GLIS3: variants seen among roughly 807,000 people sequenced by gnomAD.
GLIS3 encodes the protein zinc finger protein GLIS3.
Under a neutral mutation model 78.6 loss-of-function variants are expected in GLIS3, and 53 were observed. The ratio of observed to expected loss-of-function variants is 0.67; its 90% CI spans 0.54 to 0.85. GLIS3 has a LOEUF of 0.85. Ranked by LOEUF, GLIS3 falls within the 40% of genes least tolerant of loss-of-function variation. GLIS3 has a pLI of 0.00. For synonymous variants in GLIS3, 684 were observed against 509.9 expected, an observed-to-expected ratio of 1.34 and a Z score of -4.60; for missense variants, 1,703 against 1,231.1, an observed-to-expected ratio of 1.38 and a Z score of -5.74.
At chr9:3,963,587 G>C (rs1197333889) in intron 4 of GLIS3, among the ~76,000 whole-genome samples, 1 of 152,184 alleles carries the variant, frequency 6.6e-6, no homozygotes, top group Non-Finnish European at 1.5e-5. Context: ...CTCTAATGCA[G>C]AGACCAAATA....
chr9:4,414,100 G>A, the GLIS3 span, among the ~76,000 whole-genome samples: 1 of 152,044 alleles, frequency 6.6e-6, no homozygotes, highest in African/African-American at 2.4e-5. Context: ...ATGTGAAGCT[G>A]GCAAAATCAA....
chr9:4,199,122 T>C (rs370041791), intron 2 of GLIS3, among the ~76,000 whole-genome samples: 4 of 152,158 alleles, frequency 2.6e-5, no homozygotes, highest in Admixed American at 6.5e-5. Context: ...CTTAAGCAGA[T>C]AGCCCACAAA....
intron 4 of GLIS3, among the ~76,000 whole-genome samples, chr9:4,049,838 C>G (rs1416578047): frequency 6.6e-6 from 1 of 152,100 alleles, no homozygotes; most frequent in Non-Finnish European, 1.5e-5. Flanking sequence ...CCAACAGACA[C>G]ATGAAAAAAT....
At chr9:4,333,413 CT>C (rs1039716788) in intron 2 of GLIS3, among the ~76,000 whole-genome samples, 2 of 151,940 alleles carry the variant, frequency 1.3e-5, no homozygotes, top group African/African-American at 2.4e-5. Context: ...GAAACTAAGT[CT>C]TTTTTAAAAA....
chr9:4,110,625 G>T (rs1223314914), intron 4 of GLIS3, among the ~76,000 whole-genome samples: 2 of 152,108 alleles, frequency 1.3e-5, no homozygotes, highest in Admixed American at 6.6e-5. Flanking sequence ...CCCTCTGGAT[G>T]AAGGACACAT....
At chr9:4,290,602 T>C (rs577454689) in intron 1 of GLIS3, among the ~76,000 whole-genome samples, 1 of 152,146 alleles carries the variant, frequency 6.6e-6, no homozygotes, top group South Asian at 2.1e-4. Flanking sequence ...CATTTCGCAA[T>C]TCAATCAAGG....
chr9:4,045,094 C>A (rs933427833), intron 4 of GLIS3, among the ~76,000 whole-genome samples: 47 of 152,196 alleles, frequency 3.1e-4, no homozygotes, highest in African/African-American at 1.1e-3. Flanking sequence ...AGTGGCCAGA[C>A]AACCTAGCAC....
Position 3,965,296 on chromosome 9 carries a change from C to T in GLIS3, c.1711-28107G>A, listed in dbSNP as rs551760318. ...GCAACCTTTGCCTCCCAGGTTCAAG[C>T]GATTCTCCTGCCTCAGCCTCCCGAA... On this transcript the variant is annotated intron_variant, in intron 4 of 10. Transcript: ENST00000381971. 1.7e-4 allele frequency among the ~76,000 whole-genome samples: 24 copies of T among 144,762 alleles called. No homozygotes were observed. In the East Asian group the frequency reaches 4.7e-3, roughly 28 times the overall value. 95.0% of individuals were successfully genotyped at this position (144,762 alleles called of 152,430 possible).
chr9:3,878,857 A>T (rs1380046370), intron 8 of GLIS3: 1 of 159,930 alleles, frequency 6.3e-6, no homozygotes, highest in Non-Finnish European at 1.4e-5. Flanking sequence ...GGTTTGTGGT[A>T]CACAGAAGCA....
At chr9:4,429,618 T>C in the GLIS3 span, among the ~76,000 whole-genome samples, 16 of 152,300 alleles carry the variant, frequency 1.1e-4, no homozygotes, top group Non-Finnish European at 1.9e-4. Flanking sequence ...TTTACATCTA[T>C]GTGTATGACT....
chr9:4,414,353 A>G, the GLIS3 span, among the ~76,000 whole-genome samples: 1 of 152,336 alleles, frequency 6.6e-6, no homozygotes, highest in African/African-American at 2.4e-5. Flanking sequence ...CCGTAACTCA[A>G]TGTGAGTATG....
At chr9:4,230,750 G>C (rs1217035833) in intron 2 of GLIS3, among the ~76,000 whole-genome samples, 4 of 152,154 alleles carry the variant, frequency 2.6e-5, no homozygotes, top group Non-Finnish European at 5.9e-5. Context: ...AAAAGAAATA[G>C]CATAAAAAGC....
At chr9:4,368,838 C>T in the GLIS3 span, among the ~76,000 whole-genome samples, 50,263 of 152,034 alleles carry the variant, frequency 0.33, 8,541 homozygotes, top group South Asian at 0.44. Context: ...CAAAGTGGAA[C>T]TGGTGTCTAA....
intron 6 of GLIS3, among the ~76,000 whole-genome samples, chr9:3,916,702 T>C (rs1824537339): frequency 6.6e-6 from 1 of 152,192 alleles, no homozygotes; most frequent in South Asian, 2.1e-4. Flanking sequence ...TTTTTTCTCC[T>C]CCTGAATGGC....
At chr9:3,966,879 G>T (rs1817975818) in intron 4 of GLIS3, among the ~76,000 whole-genome samples, 1 of 151,466 alleles carries the variant, frequency 6.6e-6, no homozygotes, top group African/African-American at 2.4e-5. Flanking sequence ...TGATTTTTTA[G>T]TAAATTAACT....
chr9:4,029,386 T>C (rs1212627531), intron 4 of GLIS3, among the ~76,000 whole-genome samples: 4 of 152,162 alleles, frequency 2.6e-5, no homozygotes, highest in Non-Finnish European at 2.9e-5. Context: ...GATACAGGGA[T>C]GTAATATAAA....
chr9:4,400,713 T>C, the GLIS3 span, among the ~76,000 whole-genome samples: 1 of 152,250 alleles, frequency 6.6e-6, no homozygotes, highest in Non-Finnish European at 1.5e-5. Flanking sequence ...TCTTGCATCT[T>C]GGATACCACC....
intron 9 of GLIS3, among the ~76,000 whole-genome samples, 180 bp from the exon 10 acceptor site, chr9:3,829,672 C>A (rs2129942888): frequency 6.6e-6 from 1 of 152,260 alleles, no homozygotes. Flanking sequence ...TGAAGCTCTT[C>A]TACCTTAGAG....
chr9:4,215,072 CAG>C (rs909547952), intron 2 of GLIS3, among the ~76,000 whole-genome samples: 7 of 152,134 alleles, frequency 4.6e-5, no homozygotes, highest in Admixed American at 2.0e-4. Context: ...CTTGATGGTG[CAG>C]AGATTCACAA....
Sources: allele counts gnomAD v4.1 joint callset (sites outside exome capture counted in the v4.1 genomes callset), GRCh38; gene constraint gnomAD v4.1.1; transcripts MANE v1.5; gene names NCBI Gene and HGNC (gene_info 2026-07-23, HGNC 2026-07-21).